PARPBP: variants seen among roughly 807,000 people sequenced by gnomAD.
The protein encoded by PARPBP is PCNA-interacting partner.
Under a neutral mutation model 50.0 loss-of-function variants are expected in PARPBP, and 52 were observed. The ratio of observed to expected loss-of-function variants is 1.04; its 90% confidence interval spans 0.83 to 1.31. The LOEUF is 1.31. PARPBP is among the 50% of genes most tolerant of loss of function. PARPBP has a pLI of 0.00. For missense variants in PARPBP, 697 were observed against 672.0 expected (o/e 1.04, Z -0.41); for synonymous variants, 244 against 232.1 (o/e 1.05, Z -0.47).
chr12:102,187,870 A>G (rs111983342), intron 9 of PARPBP, among the ~76,000 whole-genome samples: 1 of 152,194 alleles, frequency 6.6e-6, no homozygotes, highest in Non-Finnish European at 1.5e-5. Flanking sequence ...GTTGGGGAAA[A>G]TATATTTTAA....
In PARPBP at chr12:102,196,676, G is replaced by C. The variant is rs759732671; in HGVS notation, c.*385G>C. The stretch of plus-strand genomic sequence containing the variant: ...ATCAGACTTGCCAACAAGGTCGGTA[G>C]ACTCTTCCCAGCATACATCTGAGCA... On this transcript the variant is annotated 3_prime_UTR_variant, in exon 11 of 11. Transcript: ENST00000327680. 15 of 1,610,138 alleles carry C rather than the reference G, an allele frequency of 9.3e-6. No homozygotes were observed. The highest frequency in any genetic ancestry group is 1.3e-5 in the Non-Finnish European group (15 of 1,177,064).
intron 3 of PARPBP, among the ~76,000 whole-genome samples, chr12:102,153,374 A>G (rs1040003950): frequency 2.6e-5 from 4 of 152,186 alleles, no homozygotes; most frequent in South Asian, 2.1e-4. Context: ...GAGACAGGGT[A>G]TCACTCTGGC....
Position 102,178,771 on chromosome 12 carries a change from GT to G in PARPBP, c.1184+2del. On this transcript the variant is annotated splice_donor_variant, in intron 8 of 10. Coordinates refer to ENST00000327680, the MANE Select transcript of PARPBP (RefSeq NM_017915.5). LOFTEE classifies it high-confidence loss of function. Reference sequence around the variant, plus strand: ...GAACGTCTATTCTTACACTTTTTAGGTAAGTTATGTGGAAGTTATATGTGTT... The same window carrying G: ...GAACGTCTATTCTTACACTTTTTAGGAAGTTATGTGGAAGTTATATGTGTT... The G allele has an allele frequency of 6.3e-7, 1 of 1,580,190 alleles. No homozygotes were observed. The highest frequency in any genetic ancestry group is 8.6e-7 in the Non-Finnish European group (1 of 1,159,330).
At chr12:102,161,801 G>C (rs183720160) in intron 4 of PARPBP, among the ~76,000 whole-genome samples, 2 of 152,134 alleles carry the variant, frequency 1.3e-5, no homozygotes, top group Non-Finnish European at 2.9e-5. Context: ...TTATAATAGG[G>C]TGATATGCAG....
At chr12:102,137,546 G>T (rs1326488800) in intron 2 of PARPBP, among the ~76,000 whole-genome samples, 3 of 151,272 alleles carry the variant, frequency 2.0e-5, no homozygotes, top group Admixed American at 6.6e-5. Context: ...GGGTATATGT[G>T]CACAACGTGC....
At chr12:102,170,883 T>G (rs1888622675) in intron 6 of PARPBP, among the ~76,000 whole-genome samples, 1 of 151,554 alleles carries the variant, frequency 6.6e-6, no homozygotes, top group Non-Finnish European at 1.5e-5. Flanking sequence ...TTATTCTATA[T>G]GCTTTTCTCT....
chr12:102,132,505 T>A (rs75331694), intron 2 of PARPBP, among the ~76,000 whole-genome samples: 2 of 152,228 alleles, frequency 1.3e-5, no homozygotes, highest in African/African-American at 4.8e-5. Context: ...TCTGTTCCAC[T>A]GGTCTATCCG....
intron 2 of PARPBP, among the ~76,000 whole-genome samples, chr12:102,127,479 G>A (rs1295484777): frequency 6.6e-6 from 1 of 151,798 alleles, no homozygotes. Context: ...CATATTAGAT[G>A]TCAGAGTTTA....
chr12:102,180,465 G>A (rs1298441079), intron 8 of PARPBP, among the ~76,000 whole-genome samples: 1 of 152,128 alleles, frequency 6.6e-6, no homozygotes, highest in Non-Finnish European at 1.5e-5. Flanking sequence ...AGCTTTAGGA[G>A]GCCAAGACAG....
chr12:102,165,339 C>A (rs1195712769), intron 5 of PARPBP, among the ~76,000 whole-genome samples: 3 of 152,126 alleles, frequency 2.0e-5, no homozygotes, highest in Non-Finnish European at 2.9e-5. Context: ...TTTAACACAA[C>A]AGATCAGCTG....
At chr12:102,124,689 A>T (rs1319222657) in intron 2 of PARPBP, among the ~76,000 whole-genome samples, 1 of 152,224 alleles carries the variant, frequency 6.6e-6, no homozygotes, top group African/African-American at 2.4e-5. Context: ...AAGTCATGGT[A>T]TGAACTTGGC....
At chr12:102,145,837 G>A (rs1292076056) in intron 2 of PARPBP, among the ~76,000 whole-genome samples, 1 of 152,196 alleles carries the variant, frequency 6.6e-6, no homozygotes, top group Non-Finnish European at 1.5e-5. Context: ...CATGAGCTGA[G>A]AAGAATCAAA....
rs778805867 is a variant in PARPBP, at chr12:102,164,443, G to A, written c.501G>A (p.Gln167=). The A allele has an allele frequency of 4.3e-6, 7 of 1,609,768 alleles. No individual in the cohort carries two copies. Among genetic ancestry groups the A allele is most frequent in the Non-Finnish European group, 5.9e-6 (7 of 1,176,680 alleles). The stretch of plus-strand genomic sequence containing the variant: ...CTGAATATTTTATTGCACAGGTGCA[G>A]CTGCTAGCAAGGAAAATTATCTTTT... ...SKYNRDNEKV[Q]LLARKIIFSY... The change falls in exon 5 of 11, where the codon CAG becomes CAA. Residue 167 remains glutamine, a synonymous_variant. Transcript: ENST00000327680.
chr12:102,188,061 G>C (rs756582458), intron 9 of PARPBP, among the ~76,000 whole-genome samples: 1 of 152,122 alleles, frequency 6.6e-6, no homozygotes, highest in African/African-American at 2.4e-5. Flanking sequence ...TTGAGGAACA[G>C]AGAAACCACC....
chr12:102,132,289 CT>C (rs1882990257), intron 2 of PARPBP, among the ~76,000 whole-genome samples: 1 of 151,848 alleles, frequency 6.6e-6, no homozygotes, highest in African/African-American at 2.4e-5. Flanking sequence ...ACATATACCC[CT>C]GAACTTAAAA....
At chr12:102,142,915 T>C (rs1245624312) in intron 2 of PARPBP, among the ~76,000 whole-genome samples, 1 of 152,204 alleles carries the variant, frequency 6.6e-6, no homozygotes, top group Admixed American at 6.5e-5. Flanking sequence ...GGGAGGTGCC[T>C]CCCACTTAGG....
intron 4 of PARPBP, among the ~76,000 whole-genome samples, chr12:102,157,858 C>T (rs1887125731): frequency 6.6e-6 from 1 of 151,992 alleles, no homozygotes; most frequent in East Asian, 1.9e-4. Flanking sequence ...CGGTGGCTCA[C>T]GCCTGTAATC....
intron 4 of PARPBP, among the ~76,000 whole-genome samples, chr12:102,162,814 T>G (rs1352424902): frequency 6.6e-6 from 1 of 151,616 alleles, no homozygotes; most frequent in African/African-American, 2.4e-5. Flanking sequence ...AGACCCTGTT[T>G]CTCAAAAAAA....
At chr12:102,171,148 CTTT>C (rs113616417) in intron 6 of PARPBP, among the ~76,000 whole-genome samples, 2 of 140,454 alleles carry the variant, frequency 1.4e-5, no homozygotes, top group Non-Finnish European at 3.1e-5. Context: ...TCAGTTAGTG[CTTT>C]TTTTTTTTTT....
Sources: gnomAD v4.1 joint callset for allele counts (sites outside exome capture counted in the v4.1 genomes callset) on GRCh38, gnomAD v4.1.1 for gene constraint, MANE v1.5 for transcripts, NCBI Gene and HGNC (gene_info 2026-07-23, HGNC 2026-07-21) for gene names.